Variants in PIK3R4 observed in about 807,000 individuals in gnomAD.
The protein encoded by PIK3R4 is phosphoinositide-3-kinase regulatory subunit 4, also known as phosphoinositide 3-kinase regulatory subunit 4.
In PIK3R4, 46 loss-of-function variants were observed where a neutral mutation model predicts 136.5. The observed-to-expected ratio is 0.34, with a 90% confidence interval of 0.27 to 0.43. PIK3R4 has a LOEUF of 0.43. Ranked by LOEUF, PIK3R4 falls within the 20% of genes least tolerant of loss-of-function variation. The pLI, the probability that PIK3R4 is intolerant of heterozygous loss-of-function variation, is 1.00. For synonymous variants in PIK3R4, 557 were observed against 566.7 expected (o/e 0.98, Z 0.24); for missense variants, 1,331 against 1,649.5 (o/e 0.81, Z 3.35).
chr3:130,730,840 A>G (rs2066756902), intron 4 of PIK3R4, among the ~76,000 whole-genome samples: 1 of 152,190 alleles, frequency 6.6e-6, no homozygotes, highest in African/African-American at 2.4e-5. Context: ...CTTTGGCATC[A>G]GAAAGACCTG....
At chr3:130,718,971 TG>T (rs1477905503) in intron 7 of PIK3R4, among the ~76,000 whole-genome samples, 1 of 152,076 alleles carries the variant, frequency 6.6e-6, no homozygotes, top group East Asian at 1.9e-4. Flanking sequence ...GCAGAGAAAT[TG>T]GGGAGAATTT....
At chr3:130,737,766 C>T (rs1156761031) in intron 2 of PIK3R4, among the ~76,000 whole-genome samples, 1 of 152,202 alleles carries the variant, frequency 6.6e-6, no homozygotes, top group Non-Finnish European at 1.5e-5. Flanking sequence ...CATTAGCCTA[C>T]ATTTGGGCAA....
intron 13 of PIK3R4, among the ~76,000 whole-genome samples, chr3:130,697,367 A>G (rs76455744): frequency 0.21 from 31,422 of 152,064 alleles, 3,507 homozygotes; most frequent in South Asian, 0.36. Context: ...GCCACTGCGC[A>G]TGGCCTAGCT....
chr3:130,713,470 C>T (rs987068501), intron 9 of PIK3R4, among the ~76,000 whole-genome samples: 1 of 152,046 alleles, frequency 6.6e-6, no homozygotes, highest in Non-Finnish European at 1.5e-5. Context: ...ATTGAAGGAG[C>T]AGTAGTGGTA....
chr3:130,713,608 G>A (rs950301563), intron 9 of PIK3R4, among the ~76,000 whole-genome samples: 9 of 152,192 alleles, frequency 5.9e-5, no homozygotes, highest in African/African-American at 1.7e-4. Flanking sequence ...GAAGAGATGA[G>A]GGGCTAGGGT....
intron 7 of PIK3R4, among the ~76,000 whole-genome samples, chr3:130,719,744 C>T (rs2066688284): frequency 2.0e-5 from 3 of 152,210 alleles, no homozygotes; most frequent in Admixed American, 2.0e-4. Flanking sequence ...CAACCACACT[C>T]ATTCACTTTG....
intron 16 of PIK3R4, among the ~76,000 whole-genome samples, chr3:130,682,244 C>T (rs939185872): frequency 2.0e-5 from 3 of 152,004 alleles, no homozygotes; most frequent in South Asian, 2.1e-4. Context: ...TCTCCTTAGG[C>T]GAGGGAGGCA....
chr3:130,716,627 C>T, intron 8 of PIK3R4, 28 bp from the exon 9 acceptor site: 1 of 1,409,718 alleles, frequency 7.1e-7, no homozygotes, highest in Non-Finnish European at 9.9e-7. Flanking sequence ...AAAGGATCAG[C>T]CAAAAATATA....
At chr3:130,717,338 G>A (rs544466576) in intron 8 of PIK3R4, among the ~76,000 whole-genome samples, 1 of 152,098 alleles carries the variant, frequency 6.6e-6, no homozygotes, top group East Asian at 1.9e-4. Flanking sequence ...CTCAACTTCT[G>A]ATCCTGGCCT....
rs200266107 is a variant in PIK3R4, at chr3:130,718,566, T to C, written c.1982-32A>G. The C allele has an allele frequency of 2.3e-3, 3,667 of 1,610,826 alleles. 6 individuals are homozygous for C. The highest frequency in any genetic ancestry group is 2.8e-3 in the Non-Finnish European group (3,297 of 1,177,708). On this transcript the variant is annotated intron_variant, in intron 7 of 19. Transcript: ENST00000356763. ...AGGAAAAGAAAAGGTAGGGATCAAA[T>C]AAGTTATTTCAAACTATCGGGATAA...
intron 17 of PIK3R4, 136 bp downstream of exon 17, chr3:130,681,355 G>A: frequency 1.5e-6 from 1 of 662,304 alleles, no homozygotes; most frequent in Non-Finnish European, 2.7e-6. Flanking sequence ...ATGGCCACAT[G>A]ATACTTGATG....
chr3:130,728,562 G>A lies in PIK3R4; in HGVS notation c.1708C>T (p.Arg570Cys), dbSNP rs2066745468. 1 of 1,613,116 alleles carries A rather than the reference G, an allele frequency of 6.2e-7. No homozygotes were observed. The highest frequency in any genetic ancestry group is 8.5e-7 in the Non-Finnish European group (1 of 1,179,622). ...GITRLCVFFG[R>C]QKANDVLLSH... ...AACAAAACATCGTTGGCTTTCTGAC[G>A]TCCAAAGAATACACACAGCCGTGTT... Residue 570 changes from arginine to cysteine, a missense_variant, in exon 6 of 20, where the codon CGT becomes TGT. This residue lies in a region of PIK3R4 where 1,180 missense variants were observed against 1,407.0 expected (regional missense o/e 0.84). Transcript: ENST00000356763.
At chr3:130,683,499 A>G (rs1395705666) in intron 16 of PIK3R4, among the ~76,000 whole-genome samples, 1 of 152,192 alleles carries the variant, frequency 6.6e-6, no homozygotes. Context: ...GTATTTGAAA[A>G]TAACAGAAAT....
chr3:130,712,635 T>G (rs903811616), intron 9 of PIK3R4, among the ~76,000 whole-genome samples: 1 of 151,274 alleles, frequency 6.6e-6, no homozygotes, highest in Non-Finnish European at 1.5e-5. Flanking sequence ...ACCATTGCAT[T>G]CTAGCCTGGG....
At chr3:130,738,024 AT>A (rs1293204800) in intron 2 of PIK3R4, among the ~76,000 whole-genome samples, 6 of 152,152 alleles carry the variant, frequency 3.9e-5, no homozygotes, top group Non-Finnish European at 7.4e-5. Context: ...TGAGGAAGGG[AT>A]TTTTCTATTT....
chr3:130,723,875 C>G, intron 6 of PIK3R4: 1 of 241,044 alleles, frequency 4.1e-6, no homozygotes, highest in Non-Finnish European at 7.9e-6. Context: ...TAATCTTCAG[C>G]AACAATGGAG....
intron 2 of PIK3R4, among the ~76,000 whole-genome samples, chr3:130,737,882 A>G (rs1407934609): frequency 6.6e-6 from 1 of 152,230 alleles, no homozygotes; most frequent in Non-Finnish European, 1.5e-5. Context: ...GGGTGCTCCA[A>G]ATACATTTCA....
chr3:130,736,287 G>C (rs2066785237), intron 2 of PIK3R4, among the ~76,000 whole-genome samples: 1 of 152,120 alleles, frequency 6.6e-6, no homozygotes. Context: ...TGAATGTATA[G>C]GCCAGATGTG....
rs1184608331 is a variant in PIK3R4, at chr3:130,705,782, A to G, written c.2722-11T>C. On this transcript the variant is annotated splice_polypyrimidine_tract_variant and intron_variant, in intron 11 of 19. Transcript: ENST00000356763. ...TGTCACTTCTGGAACCTACAAAACAAATAGAATTCTAACTATTTACGTCGT... is the reference window on the plus strand; with the variant it reads ...TGTCACTTCTGGAACCTACAAAACAGATAGAATTCTAACTATTTACGTCGT... 3 of 1,531,296 alleles carry G rather than the reference A, an allele frequency of 2.0e-6. No individual in the cohort carries two copies. The African/African-American group carries it at 4.1e-5, about 21-fold the overall frequency. 94.9% of individuals were successfully genotyped at this position (1,531,296 alleles called of 1,614,324 possible).
Sources: allele counts gnomAD v4.1 joint callset (sites outside exome capture counted in the v4.1 genomes callset), GRCh38; gene constraint gnomAD v4.1.1; regional missense constraint gnomAD v4.1.1; transcripts MANE v1.5; gene names NCBI Gene and HGNC (gene_info 2026-07-23, HGNC 2026-07-21).